FARS2: variants seen among roughly 807,000 people sequenced by gnomAD.
FARS2 encodes the protein phenylalanyl-tRNA synthetase 2, mitochondrial, also known as phenylalanine--tRNA ligase, mitochondrial.
Under a neutral mutation model 46.4 loss-of-function variants are expected in FARS2, and 40 were observed. The observed-to-expected ratio is 0.86, with a 90% confidence interval of 0.67 to 1.12. FARS2 has a LOEUF of 1.12. FARS2 is among the 50% of genes most tolerant of loss of function. The pLI, the probability that FARS2 is intolerant of heterozygous loss-of-function variation, is 0.00. For synonymous variants in FARS2, 234 were observed against 214.9 expected (o/e 1.09, Z -0.78); for missense variants, 513 against 567.9 (o/e 0.90, Z 0.98).
At chr6:5,493,738 G>A (rs921410607) in intron 4 of FARS2, among the ~76,000 whole-genome samples, 2 of 152,140 alleles carry the variant, frequency 1.3e-5, no homozygotes, top group Non-Finnish European at 2.9e-5. Context: ...GAAAGCACCC[G>A]GAATGAATGA....
intron 3 of FARS2, among the ~76,000 whole-genome samples, chr6:5,418,308 T>C (rs1231078475): frequency 6.6e-6 from 1 of 152,208 alleles, no homozygotes; most frequent in Non-Finnish European, 1.5e-5. Flanking sequence ...GCATTGGATA[T>C]TTTTTACCTT....
At chr6:5,510,784 CT>C (rs1768404640) in intron 4 of FARS2, among the ~76,000 whole-genome samples, 2 of 151,984 alleles carry the variant, frequency 1.3e-5, no homozygotes, top group Non-Finnish European at 2.9e-5. Context: ...TCCTCTTGTC[CT>C]TTTGGGGATT....
chr6:5,666,033 A>C (rs1778099448), intron 6 of FARS2, among the ~76,000 whole-genome samples: 1 of 152,196 alleles, frequency 6.6e-6, no homozygotes. Context: ...GCTCCATGGC[A>C]GGATCTGGAG....
chr6:5,358,617 T>G (rs1581874522), intron 1 of FARS2, among the ~76,000 whole-genome samples: 1 of 152,288 alleles, frequency 6.6e-6, no homozygotes, highest in South Asian at 2.1e-4. Context: ...GAACTTAATT[T>G]TAACTGAATA....
chr6:5,664,185 C>T (rs531686962), intron 6 of FARS2, among the ~76,000 whole-genome samples: 5 of 152,328 alleles, frequency 3.3e-5, no homozygotes, highest in Admixed American at 6.5e-5. Context: ...TCTATGCTCC[C>T]TGAAATGGTT....
chr6:5,476,450 G>T (rs1452647642), intron 4 of FARS2, among the ~76,000 whole-genome samples: 6 of 152,058 alleles, frequency 3.9e-5, no homozygotes, highest in Non-Finnish European at 7.3e-5. Context: ...ATTTGGACAG[G>T]AACTTACCTG....
In FARS2 at chr6:5,431,185, C is replaced by T; in HGVS notation, c.904+13C>T. 6.2e-7 allele frequency: 1 copy of T among 1,612,968 alleles called. No individual in the cohort carries two copies. The highest frequency in any genetic ancestry group is 2.2e-5 in the East Asian group (1 of 44,868). On this transcript the variant is annotated intron_variant, in intron 4 of 6. Coordinates refer to ENST00000274680, the MANE Select transcript of FARS2 (RefSeq NM_006567.5). ...CTGGTCAATTCAGGTAAAAAAGAAT[C>T]CCACATTTTATTTACACGTGCTCTA... is the stretch of plus-strand genomic sequence containing the variant.
intron 6 of FARS2, among the ~76,000 whole-genome samples, chr6:5,762,676 G>A (rs753101183): frequency 6.6e-6 from 1 of 152,260 alleles, no homozygotes. Context: ...GCTAGGAGCT[G>A]GGCCCGGCGG....
At chr6:5,546,115 C>A (rs749394710) in intron 5 of FARS2, among the ~76,000 whole-genome samples, 1 of 151,724 alleles carries the variant, frequency 6.6e-6, no homozygotes, top group South Asian at 2.1e-4. Context: ...GCAAAAATAG[C>A]GAAACTCTGT....
intron 6 of FARS2, among the ~76,000 whole-genome samples, chr6:5,752,612 C>T (rs1031926750): frequency 6.6e-6 from 1 of 152,140 alleles, no homozygotes; most frequent in Admixed American, 6.5e-5. Flanking sequence ...ACGGGTTCTG[C>T]GATGAGTTAG....
At chr6:5,498,056 G>A (rs1166812012) in intron 4 of FARS2, among the ~76,000 whole-genome samples, 2 of 152,170 alleles carry the variant, frequency 1.3e-5, no homozygotes, top group Non-Finnish European at 2.9e-5. Context: ...TGGGGGCCCT[G>A]GGGAATGGAA....
intron 6 of FARS2, among the ~76,000 whole-genome samples, chr6:5,670,716 C>T (rs770678424): frequency 1.1e-4 from 16 of 152,158 alleles, no homozygotes; most frequent in Non-Finnish European, 1.8e-4. Context: ...GTATGCACAG[C>T]ACTGAAGCCC....
At chr6:5,396,491 C>T (rs1012639814) in intron 2 of FARS2, among the ~76,000 whole-genome samples, 1 of 152,102 alleles carries the variant, frequency 6.6e-6, no homozygotes, top group Admixed American at 6.5e-5. Flanking sequence ...ATTTTTCACC[C>T]CCTGGGAGAT....
chr6:5,724,755 T>C (rs557496145), intron 6 of FARS2, among the ~76,000 whole-genome samples: 2 of 152,354 alleles, frequency 1.3e-5, no homozygotes, highest in East Asian at 3.9e-4. Context: ...GGACCACTCT[T>C]TGTAATCAGG....
At chr6:5,716,172 A>G (rs1305484158) in intron 6 of FARS2, among the ~76,000 whole-genome samples, 3 of 152,212 alleles carry the variant, frequency 2.0e-5, no homozygotes, top group African/African-American at 4.8e-5. Context: ...TAACAGGATA[A>G]AGACACTTTT....
intron 6 of FARS2, among the ~76,000 whole-genome samples, chr6:5,672,626 A>C (rs777987850): frequency 6.6e-5 from 10 of 152,194 alleles, no homozygotes; most frequent in Non-Finnish European, 1.0e-4. Flanking sequence ...TCAGGAAAAA[A>C]TAATAAAGCA....
At chr6:5,692,622 A>G (rs1757824784) in intron 6 of FARS2, among the ~76,000 whole-genome samples, 2 of 152,254 alleles carry the variant, frequency 1.3e-5, no homozygotes, top group South Asian at 4.1e-4. Flanking sequence ...ATACTGCTTA[A>G]TGGTTAAAAA....
At chr6:5,584,020 A>G (rs950450599) in intron 5 of FARS2, among the ~76,000 whole-genome samples, 34 of 151,948 alleles carry the variant, frequency 2.2e-4, no homozygotes, top group Admixed American at 3.3e-4. Context: ...TCCAGGAGGT[A>G]TCTCTGTTTC....
At chr6:5,515,804 G>A (rs921564998) in intron 4 of FARS2, among the ~76,000 whole-genome samples, 1 of 152,080 alleles carries the variant, frequency 6.6e-6, no homozygotes, top group Non-Finnish European at 1.5e-5. Context: ...TACCTGATAC[G>A]TCTTAAATTT....
Sources: allele counts gnomAD v4.1 joint callset (sites outside exome capture counted in the v4.1 genomes callset), GRCh38; gene constraint gnomAD v4.1.1; transcripts MANE v1.5; gene names NCBI Gene and HGNC (gene_info 2026-07-23, HGNC 2026-07-21).